Variants in ASIC2 observed in about 807,000 individuals in gnomAD.
The protein encoded by ASIC2 is acid sensing ion channel subunit 2.
In ASIC2, 25 loss-of-function variants were observed where a neutral mutation model predicts 57.3. The ratio of observed to expected loss-of-function variants is 0.44; its 90% confidence interval spans 0.32 to 0.61. ASIC2 has a LOEUF of 0.61. Among genes scored for constraint, ASIC2 ranks in the 20% least tolerant of loss-of-function variants. The pLI, the probability that ASIC2 is intolerant of heterozygous loss-of-function variation, is 0.06. For missense variants in ASIC2, 641 were observed against 738.1 expected (o/e 0.87, Z 1.52); for synonymous variants, 319 against 307.5 (o/e 1.04, Z -0.39).
intron 1 of ASIC2, among the ~76,000 whole-genome samples, chr17:33,511,485 G>T (rs1914429683): frequency 6.6e-6 from 1 of 152,058 alleles, no homozygotes; most frequent in South Asian, 2.1e-4. Context: ...CCACCCAGTT[G>T]CCCTAGCCAG....
At chr17:33,670,196 C>A (rs977927932) in intron 1 of ASIC2, among the ~76,000 whole-genome samples, 7 of 152,110 alleles carry the variant, frequency 4.6e-5, no homozygotes, top group Admixed American at 1.3e-4. Flanking sequence ...CCATGGGGCA[C>A]CCTGCAAATG....
chr17:33,640,348 A>G (rs1444699928), intron 1 of ASIC2, among the ~76,000 whole-genome samples: 2 of 152,192 alleles, frequency 1.3e-5, no homozygotes, highest in Admixed American at 1.3e-4. Flanking sequence ...AAGAATGCAC[A>G]CCCACCTTTG....
chr17:33,496,550 A>G (rs563998667), intron 1 of ASIC2, among the ~76,000 whole-genome samples: 5 of 147,342 alleles, frequency 3.4e-5, no homozygotes, highest in African/African-American at 1.0e-4. Flanking sequence ...AGCAGCTTCC[A>G]GTACATGGCT....
chr17:33,819,240 G>A (rs1397879432), intron 1 of ASIC2, among the ~76,000 whole-genome samples: 3 of 152,158 alleles, frequency 2.0e-5, no homozygotes, highest in Non-Finnish European at 2.9e-5. Flanking sequence ...TTAGTCAGAG[G>A]TCAGATGTTT....
chr17:33,373,262 G>T (rs1415236300), intron 1 of ASIC2, among the ~76,000 whole-genome samples: 1 of 152,222 alleles, frequency 6.6e-6, no homozygotes, highest in East Asian at 1.9e-4. Context: ...AGGGTGTTCT[G>T]AAACCACCTT....
intron 1 of ASIC2, among the ~76,000 whole-genome samples, chr17:33,815,685 T>C (rs980313095): frequency 6.6e-6 from 1 of 152,170 alleles, no homozygotes; most frequent in Non-Finnish European, 1.5e-5. Flanking sequence ...TACCAGCTTA[T>C]TACCACTCCC....
intron 1 of ASIC2, among the ~76,000 whole-genome samples, chr17:33,476,261 T>A (rs991137194): frequency 2.0e-5 from 3 of 152,126 alleles, no homozygotes; most frequent in Non-Finnish European, 4.4e-5. Context: ...CACTGCGACC[T>A]CCACCATCCC....
chr17:34,095,610 TATATATATATATATATATAATTTTA>T (rs1910493060), intron 1 of ASIC2, among the ~76,000 whole-genome samples: 1 of 84,788 alleles, frequency 1.2e-5, no homozygotes, highest in Non-Finnish European at 2.1e-5. Context: ...GCAAATTTTA[TATATATATATATATATATAATTTTA>T]TATATATATA....
intron 1 of ASIC2, among the ~76,000 whole-genome samples, chr17:33,136,096 T>C (rs187554786): frequency 6.6e-6 from 1 of 152,228 alleles, no homozygotes; most frequent in Non-Finnish European, 1.5e-5. Context: ...GCATAGGGAA[T>C]CTGTGTGCTT....
intron 1 of ASIC2, chr17:33,541,212 AG>A (rs1389589186): frequency 1.3e-5 from 2 of 152,220 alleles, no homozygotes; most frequent in African/African-American, 4.8e-5. Context: ...AGCTTGTAAA[AG>A]TTTAATGATC....
intron 1 of ASIC2, among the ~76,000 whole-genome samples, chr17:34,035,698 C>G (rs1273734631): frequency 1.3e-5 from 2 of 151,862 alleles, no homozygotes; most frequent in East Asian, 3.9e-4. Context: ...AAAAAACAAA[C>G]AACCCCATCA....
chr17:33,412,743 G>A (rs1050042998), intron 1 of ASIC2, among the ~76,000 whole-genome samples: 4 of 152,148 alleles, frequency 2.6e-5, no homozygotes, highest in African/African-American at 4.8e-5. Flanking sequence ...AGTGTGAGAG[G>A]AGCAATGAGA....
intron 1 of ASIC2, among the ~76,000 whole-genome samples, chr17:33,710,461 C>A (rs576505937): frequency 1.8e-4 from 27 of 152,324 alleles, no homozygotes; most frequent in African/African-American, 6.3e-4. Context: ...CTATGATCAA[C>A]AGAAGTGTGC....
chr17:34,146,405 G>A (rs1311918820), intron 1 of ASIC2, among the ~76,000 whole-genome samples: 2 of 152,128 alleles, frequency 1.3e-5, no homozygotes, highest in Non-Finnish European at 2.9e-5. Flanking sequence ...GCCTGAGATG[G>A]CACACCTTCT....
At chr17:33,312,133 T>C (rs1408954064) in intron 1 of ASIC2, among the ~76,000 whole-genome samples, 3 of 152,214 alleles carry the variant, frequency 2.0e-5, no homozygotes, top group Non-Finnish European at 4.4e-5. Context: ...TCCTTATCTT[T>C]AATGTGGAGT....
chr17:33,995,510 T>C (rs1019208169), intron 1 of ASIC2, among the ~76,000 whole-genome samples: 1 of 152,208 alleles, frequency 6.6e-6, no homozygotes, highest in Non-Finnish European at 1.5e-5. Context: ...AAAAAATTGT[T>C]CTTATTTTAT....
chr17:34,132,367 G>A (rs1422415784), intron 1 of ASIC2, among the ~76,000 whole-genome samples: 3 of 152,178 alleles, frequency 2.0e-5, no homozygotes, highest in Admixed American at 1.3e-4. Context: ...AGCGTGGAAG[G>A]ACAGGTAGAC....
At chr17:33,238,459 C>T (rs1221558685) in intron 1 of ASIC2, among the ~76,000 whole-genome samples, 1 of 152,242 alleles carries the variant, frequency 6.6e-6, no homozygotes, top group Non-Finnish European at 1.5e-5. Flanking sequence ...GCAAAGGCAA[C>T]ACGCTGCTGC....
At chr17:33,823,423 TC>T (rs1031463498) in intron 1 of ASIC2, among the ~76,000 whole-genome samples, 1 of 149,100 alleles carries the variant, frequency 6.7e-6, no homozygotes, top group African/African-American at 2.5e-5. Context: ...GAGTCGAGAG[TC>T]AGAAAACTGC....
Sources: gnomAD v4.1 joint callset for allele counts (sites outside exome capture counted in the v4.1 genomes callset) on GRCh38, gnomAD v4.1.1 for gene constraint, MANE v1.5 for transcripts, NCBI Gene and HGNC (gene_info 2026-07-23, HGNC 2026-07-21) for gene names.